VGLL2: variants seen among roughly 807,000 people sequenced by gnomAD.
The protein encoded by VGLL2 is vestigial like family member 2, also known as transcription cofactor vestigial-like protein 2.
In VGLL2, 18 loss-of-function variants were observed where a neutral mutation model predicts 27.0. The observed-to-expected ratio is 0.67, with a 90% CI of 0.46 to 0.99. VGLL2 has a LOEUF of 0.99. Ranked by LOEUF, VGLL2 falls within the 50% of genes least tolerant of loss-of-function variation. The pLI is 0.00. For synonymous variants in VGLL2, 220 were observed against 201.1 expected (o/e 1.09, Z -0.80); for missense variants, 491 against 452.3 (o/e 1.09, Z -0.78).
rs779352508 is a variant in VGLL2 at position 117,270,760 on chromosome 6, C to T, written c.609C>T (p.His203=). 208 of 1,499,826 alleles carry T rather than the reference C, an allele frequency of 1.4e-4. No individual in the cohort carries two copies. In the East Asian group the frequency reaches 1.5e-3, roughly 10 times the overall value. 92.9% of individuals were successfully genotyped at this position (1,499,826 alleles called of 1,614,324 possible). A position where few individuals can be genotyped will look rare whatever the true frequency, so the allele number is the denominator to read the frequency against. Residue 203 remains histidine, a synonymous_variant, in exon 3 of 4, where the codon CAC becomes CAT. Transcript: ENST00000326274. ...ACCACGCGCACCCGCACCACGCGCA[C>T]CCGCATCACCCCTACGCCCTGGGCG... The part of the protein sequence containing the change: ...PWHHAHPHHA[H]PHHPYALGGA...
chr6:117,265,574 G>A lies in VGLL2; in HGVS notation c.-190G>A. ...AGCTCAGGCGCTTCTGCCCTGGAGC[G>A]CGGTCGGGAGTAAAATCGCAGGAGT... On this transcript the variant is annotated 5_prime_UTR_variant, in exon 1 of 4. Transcript: ENST00000326274. 1.7e-6 allele frequency: 1 copy of A among 593,094 alleles called. No individual in the cohort carries two copies. 36.7% of individuals were successfully genotyped at this position (593,094 alleles called of 1,614,324 possible).
chr6:117,266,991 G>C (rs778590847), intron 1 of VGLL2, among the ~76,000 whole-genome samples: 6 of 152,164 alleles, frequency 3.9e-5, no homozygotes, highest in Non-Finnish European at 7.3e-5. Context: ...TCCTCTTGTA[G>C]GGAAGGTGGC....
rs568638920 is a variant in VGLL2 at position 117,270,430 on chromosome 6, C to T, written c.392-113C>T. 13 of 1,357,026 alleles carry T rather than the reference C, an allele frequency of 9.6e-6. No homozygotes were observed. The South Asian group carries it at 1.5e-4, about 16-fold the overall frequency. The allele number at this position is 1,357,026 out of a possible 1,614,324, so 84.1% of individuals were successfully genotyped here. ...CGGCCATGGCTAGCCAGCCCTGTGC[C>T]CGCCCGGCGCCTTCGTCTCTCGGGC... On this transcript the variant is annotated intron_variant, in intron 2 of 3. Coordinates refer to ENST00000326274, the MANE Select transcript of VGLL2 (RefSeq NM_182645.3).
At position 117,268,295 on chromosome 6, in the gene VGLL2, GGAA is replaced by G. The variant is rs761965376; in HGVS notation, c.200_202del (p.Glu67del). 1.5e-5 allele frequency: 24 copies of G among 1,614,064 alleles called. No individual in the cohort carries two copies. The African/African-American group carries it at 3.1e-4, about 21-fold the overall frequency. On this transcript the variant is annotated inframe_deletion, in exon 2 of 4. Transcript: ENST00000326274. ...GCCAAACCCCAGCCAGTATAAAAGA[GGAA>G]GAAGGCAGCCCAGAGAAAGAGCGCC...
chr6:117,272,525 C>A lies in VGLL2; in HGVS notation c.*31C>A, dbSNP rs1402579917. ...TGACCCAGGGTTTCCCCTTCCCCTT[C>A]CCTTCTGACCAGCCTTGGAGGCTCA... On this transcript the variant is annotated 3_prime_UTR_variant, in exon 4 of 4. Transcript: ENST00000326274. The A allele has an allele frequency of 6.2e-7, 1 of 1,614,080 alleles. No individual in the cohort carries two copies.
Position 117,268,424 on chromosome 6 carries a change from C to G in VGLL2, c.324C>G (p.Ser108Arg), listed in dbSNP as rs1755364567. The stretch of plus-strand genomic sequence containing the variant: ...ATGAACATTTCAGCAGGGCCCTGAG[C>G]CAACCCAGCAGCTACTCTCCTAGCT... Reference protein sequence around the residue: ...VVDEHFSRALSQPSSYSPSCT... With the variant: ...VVDEHFSRALRQPSSYSPSCT... The change falls in exon 2 of 4, where the codon AGC becomes AGG. Residue 108 changes from serine to arginine, a missense_variant. Coordinates refer to ENST00000326274, the MANE Select transcript of VGLL2 (RefSeq NM_182645.3). 1 of 1,614,116 alleles carries G rather than the reference C, an allele frequency of 6.2e-7. No homozygotes were observed. Among genetic ancestry groups the G allele is most frequent in the Non-Finnish European group, 8.5e-7 (1 of 1,180,014 alleles).
At position 117,266,728 on chromosome 6, in the gene VGLL2, A is replaced by C. The variant is rs538487659; in HGVS notation, c.81+884A>C. Among the ~76,000 whole-genome samples, 15 of 152,294 alleles carry C rather than the reference A, an allele frequency of 9.8e-5. No individual in the cohort carries two copies. In the East Asian group the frequency reaches 2.5e-3, roughly 25 times the overall value. On this transcript the variant is annotated intron_variant, in intron 1 of 3. Transcript: ENST00000326274. ...TGAAATCATACACCTGGGAGGCTGT[A>C]GGGGTCCCCTCCAGGTTGGAAAGTG...
intron 1 of VGLL2, 29 bp downstream of exon 1, chr6:117,265,873 A>G (rs1429216933): frequency 2.5e-6 from 4 of 1,598,552 alleles, no homozygotes; most frequent in Middle Eastern, 1.7e-4. Flanking sequence ...GACTTTGGGA[A>G]GGAGTGCGCG....
At position 117,271,215 on chromosome 6, in the gene VGLL2, G is replaced by A. The variant is rs977451942; in HGVS notation, c.913+151G>A. Reference sequence around the variant, plus strand: ...ACGGTCGTGTTTCCACTGATACATGGCCCTGTGCCATGCGTGTAGGCGGGA... The same window carrying A: ...ACGGTCGTGTTTCCACTGATACATGACCCTGTGCCATGCGTGTAGGCGGGA... On this transcript the variant is annotated intron_variant, in intron 3 of 3. Transcript: ENST00000326274. 29 of 685,182 alleles carry A rather than the reference G, an allele frequency of 4.2e-5. No individual in the cohort carries two copies. In the African/African-American group the frequency reaches 5.3e-4, roughly 13 times the overall value. The allele number at this position is 685,182 out of a possible 1,614,324, so 42.4% of individuals were successfully genotyped here.
intron 3 of VGLL2, among the ~76,000 whole-genome samples, chr6:117,271,303 AATAATAATAATAATAATAATG>A (rs1157501596): frequency 1.4e-5 from 2 of 138,312 alleles, no homozygotes; most frequent in Non-Finnish European, 3.1e-5. Flanking sequence ...TTAAAATAAT[AATAATAATAATAATAATAATG>A]ATAATAATAA....
chr6:117,270,700 T>G lies in VGLL2; in HGVS notation c.549T>G (p.His183Gln). 1.3e-6 allele frequency: 2 copies of G among 1,537,726 alleles called. No individual in the cohort carries two copies. Among genetic ancestry groups the G allele is most frequent in the South Asian group, 1.2e-5 (1 of 84,430 alleles). The change falls in exon 3 of 4, where the codon CAT (histidine) becomes CAG (glutamine). Residue 183 changes from histidine (H) to glutamine (Q), a missense_variant. Physicochemically the swap from His to Gln is conservative, Grantham distance 24 (BLOSUM62 0). Transcript: ENST00000326274. The part of the protein sequence containing the change: ...AADPYSPAAL[H>Q]GHLHQGATEP... The stretch of plus-strand genomic sequence containing the variant: ...ACCCCTACTCGCCCGCCGCGCTGCA[T>G]GGCCACCTGCACCAGGGCGCCACGG...
At chr6:117,267,168 C>T (rs977662384) in intron 1 of VGLL2, among the ~76,000 whole-genome samples, 10 of 152,136 alleles carry the variant, frequency 6.6e-5, no homozygotes, top group African/African-American at 2.4e-4. Flanking sequence ...TCTCCCAGAC[C>T]CCGAACCAAT....
intron 2 of VGLL2, 125 bp from the exon 3 acceptor site, chr6:117,270,418 C>T (rs1773160010): frequency 7.8e-7 from 1 of 1,278,432 alleles, no homozygotes; most frequent in Non-Finnish European, 1.0e-6. Flanking sequence ...CCATGGCTAG[C>T]CAGCCCTGTG....
chr6:117,266,333 C>G (rs1039567821), intron 1 of VGLL2, among the ~76,000 whole-genome samples: 5 of 152,208 alleles, frequency 3.3e-5, no homozygotes, highest in African/African-American at 1.2e-4. Flanking sequence ...TAATTTCTTC[C>G]GTTTCAATTC....
Position 117,272,598 on chromosome 6 carries a change from G to A in VGLL2, c.*104G>A, listed in dbSNP as rs1056525029. ...GGATGAGGACATGGGGGAAGGCAGA[G>A]ACTTCAGACTTCTCAGTGTGTTGGG... On this transcript the variant is annotated 3_prime_UTR_variant, in exon 4 of 4. Transcript: ENST00000326274. The A allele has an allele frequency of 1.2e-5, 19 of 1,520,284 alleles. No individual in the cohort carries two copies. The highest frequency in any genetic ancestry group is 1.5e-5 in the Non-Finnish European group (17 of 1,115,136). 94.2% of individuals were successfully genotyped at this position (1,520,284 alleles called of 1,614,324 possible).
At chr6:117,272,213 CCTCCTT>C (rs549902031) in intron 3 of VGLL2, 99 of 696,328 alleles carry the variant, frequency 1.4e-4, no homozygotes, top group East Asian at 5.4e-4. Context: ...TCTTTGTTCT[CCTCCTT>C]CTCCTTCTCC....
At position 117,273,227 on chromosome 6, in the gene VGLL2, T is replaced by C. The variant is rs995523810; in HGVS notation, c.*733T>C. The C allele has an allele frequency of 6.6e-6, 1 of 152,444 alleles. No individual in the cohort carries two copies. The highest frequency in any genetic ancestry group is 2.4e-5 in the African/African-American group (1 of 41,448). 9.4% of individuals were successfully genotyped at this position (152,444 alleles called of 1,614,324 possible). On this transcript the variant is annotated 3_prime_UTR_variant, in exon 4 of 4. Transcript: ENST00000326274. ...TTGCAATTGCACTGGGTATATTATA[T>C]ATATATATGTATGCATATATATCAT...
chr6:117,270,684 C>G lies in VGLL2; in HGVS notation c.533C>G (p.Ser178Trp). 2 of 1,542,970 alleles carry G rather than the reference C, an allele frequency of 1.3e-6. No homozygotes were observed. Among genetic ancestry groups the G allele is most frequent in the Non-Finnish European group, 1.7e-6 (2 of 1,152,634 alleles). ...ELPFAAADPYSPAALHGHLHQ... is the reference protein window; with the variant it reads ...ELPFAAADPYWPAALHGHLHQ... Reference sequence around the variant, plus strand: ...CCCTTCGCCGCCGCCGACCCCTACTCGCCCGCCGCGCTGCATGGCCACCTG... The same window carrying G: ...CCCTTCGCCGCCGCCGACCCCTACTGGCCCGCCGCGCTGCATGGCCACCTG... Residue 178 changes from serine (S) to tryptophan (W), a missense_variant, in exon 3 of 4, where the codon TCG (serine) becomes TGG (tryptophan). Transcript: ENST00000326274.
rs1562232669 is a variant in VGLL2 at position 117,272,437 on chromosome 6, C to T, written c.914-17C>T. Reference sequence around the variant, plus strand: ...AAATGGAGTGGGTTTGTAACAGCTTCTGATCTTGGTTTGCAGCTCGTCGTT... The same window carrying T: ...AAATGGAGTGGGTTTGTAACAGCTTTTGATCTTGGTTTGCAGCTCGTCGTT... On this transcript the variant is annotated splice_polypyrimidine_tract_variant and intron_variant, in intron 3 of 3. Coordinates refer to ENST00000326274, the MANE Select transcript of VGLL2 (RefSeq NM_182645.3). 3.1e-6 allele frequency: 5 copies of T among 1,614,192 alleles called. No individual in the cohort carries two copies. The highest frequency in any genetic ancestry group is 2.5e-6 in the Non-Finnish European group (3 of 1,180,054).
Sources: gnomAD v4.1 joint callset for allele counts (sites outside exome capture counted in the v4.1 genomes callset) on GRCh38, gnomAD v4.1.1 for gene constraint, MANE v1.5 for transcripts, NCBI Gene and HGNC (gene_info 2026-07-23, HGNC 2026-07-21) for gene names.